The following RBFOX3 variants were observed in gnomAD, a reference collection of about 807,000 sequenced individuals.
RBFOX3 encodes RNA binding protein fox-1 homolog 3.
Under a neutral mutation model 48.7 loss-of-function variants are expected in RBFOX3, and 17 were observed. The observed-to-expected ratio is 0.35, with a 90% confidence interval of 0.24 to 0.52. The LOEUF (loss-of-function observed/expected upper bound fraction) is 0.52, where lower values mean the gene tolerates loss of function less well. RBFOX3 is among the 20% of genes least tolerant of loss of function. RBFOX3 has a pLI of 0.94. For missense variants in RBFOX3, 382 were observed against 497.5 expected, an observed-to-expected ratio of 0.77 and a Z score of 2.21; for synonymous variants, 212 against 209.5, an observed-to-expected ratio of 1.01 and a Z score of -0.10.
At chr17:79,281,574 T>C (rs1287534991) in intron 3 of RBFOX3, among the ~76,000 whole-genome samples, 1 of 152,154 alleles carries the variant, frequency 6.6e-6, no homozygotes, top group African/African-American at 2.4e-5. Flanking sequence ...TGCAGGCTTG[T>C]GGGGTGAGCT....
At chr17:79,554,730 G>A (rs2091481113) in intron 1 of RBFOX3, among the ~76,000 whole-genome samples, 1 of 152,218 alleles carries the variant, frequency 6.6e-6, no homozygotes, top group South Asian at 2.1e-4. Flanking sequence ...TAGTAATTTT[G>A]ATGTAATATA....
chr17:79,190,407 G>C (rs2054231104), intron 4 of RBFOX3, among the ~76,000 whole-genome samples: 1 of 58,536 alleles, frequency 1.7e-5, no homozygotes, highest in African/African-American at 4.8e-5. Flanking sequence ...GTAAATCTCT[G>C]TCTCACCAAA....
At chr17:79,276,767 A>G (rs978062056) in intron 3 of RBFOX3, among the ~76,000 whole-genome samples, 1 of 152,190 alleles carries the variant, frequency 6.6e-6, no homozygotes, top group South Asian at 2.1e-4. Context: ...CAGCTGCTGC[A>G]CCGGCCAGGC....
intron 2 of RBFOX3, among the ~76,000 whole-genome samples, chr17:79,402,535 G>A (rs1022356235): frequency 2.0e-5 from 3 of 152,208 alleles, no homozygotes; most frequent in East Asian, 1.9e-4. Flanking sequence ...TGGAGTGAGC[G>A]CAGGGGGCCC....
Position 79,443,592 on chromosome 17 carries a change from AG to A in RBFOX3, c.-175+38861del, listed in dbSNP as rs1244970507. Among the ~76,000 whole-genome samples the A allele has an allele frequency of 6.6e-6, 1 of 152,148 alleles. No individual in the cohort carries two copies. Among genetic ancestry groups the A allele is most frequent in the Non-Finnish European group, 1.5e-5 (1 of 68,018 alleles). Reference sequence around the variant, plus strand: ...GAGATGGGGTTTCACCATGTTGGCCAGGCTGGCCACAAACTCCTGACCTCAG... The same window carrying A: ...GAGATGGGGTTTCACCATGTTGGCCAGCTGGCCACAAACTCCTGACCTCAG... On this transcript the variant is annotated intron_variant, in intron 2 of 14. Coordinates refer to ENST00000693108, the MANE Select transcript of RBFOX3 (RefSeq NM_001350451.2). The surrounding 1 kb of genome is among the most constrained non-coding windows in gnomAD (Gnocchi z 4.4).
intron 1 of RBFOX3, among the ~76,000 whole-genome samples, chr17:79,552,037 A>C (rs2091206553): frequency 2.0e-5 from 3 of 152,354 alleles, no homozygotes; most frequent in Admixed American, 2.0e-4. Flanking sequence ...TTGTATTTCT[A>C]ATAAGCCCTT....
intron 2 of RBFOX3, among the ~76,000 whole-genome samples, chr17:79,380,866 C>A (rs1309676737): frequency 6.6e-6 from 1 of 152,206 alleles, no homozygotes; most frequent in Non-Finnish European, 1.5e-5. Flanking sequence ...CTCCACGAGG[C>A]ACCTGTGTCG....
Position 79,610,996 on chromosome 17 carries a change from C to A in RBFOX3, c.-490G>T, listed in dbSNP as rs2093957746. 6.6e-6 allele frequency among the ~76,000 whole-genome samples: 1 copy of A among 151,194 alleles called. No individual in the cohort carries two copies. The highest frequency in any genetic ancestry group is 2.1e-4 in the South Asian group (1 of 4,824). On this transcript the variant is annotated 5_prime_UTR_variant, in exon 1 of 15. Transcript: ENST00000693108. ...GGCAGCTGTGGCAGCTGCTTCTCCT[C>A]CGACCACGCGAGCTGCTGGGGCCCG...
At chr17:79,571,280 G>A (rs1167501223) in intron 1 of RBFOX3, among the ~76,000 whole-genome samples, 1 of 152,098 alleles carries the variant, frequency 6.6e-6, no homozygotes, top group East Asian at 1.9e-4. Context: ...AAATGGCAGA[G>A]CCTGCCCTAG....
chr17:79,566,009 G>A (rs1305137512), intron 1 of RBFOX3, among the ~76,000 whole-genome samples: 3 of 152,096 alleles, frequency 2.0e-5, no homozygotes, highest in Non-Finnish European at 2.9e-5. Flanking sequence ...TCTGACTGTC[G>A]AGATATATTT....
At chr17:79,131,701 G>A (rs1341537608) in intron 4 of RBFOX3, among the ~76,000 whole-genome samples, 2 of 152,170 alleles carry the variant, frequency 1.3e-5, no homozygotes, top group Non-Finnish European at 2.9e-5. Flanking sequence ...GACCATTATT[G>A]GAAGAAGGGG....
chr17:79,581,493 G>GT (rs1378371496), intron 1 of RBFOX3, among the ~76,000 whole-genome samples: 2 of 152,212 alleles, frequency 1.3e-5, no homozygotes, highest in Non-Finnish European at 2.9e-5. Flanking sequence ...TGTCAGAGTC[G>GT]TTACGTCACT....
intron 1 of RBFOX3, among the ~76,000 whole-genome samples, chr17:79,558,263 GGCGCAGGA>G (rs2091926612): frequency 1.3e-5 from 2 of 152,210 alleles, no homozygotes; most frequent in African/African-American, 4.8e-5. Context: ...TGAGGGGCCT[GGCGCAGGA>G]GCAGGAAGGA....
intron 4 of RBFOX3, among the ~76,000 whole-genome samples, chr17:79,227,229 G>T (rs1298461145): frequency 1.3e-5 from 2 of 152,252 alleles, no homozygotes; most frequent in East Asian, 3.8e-4. Context: ...TCCAGCAGAG[G>T]AGGGACAAAG....
chr17:79,606,553 T>TCCC (rs1282277507), intron 1 of RBFOX3, among the ~76,000 whole-genome samples: 6 of 152,170 alleles, frequency 3.9e-5, no homozygotes, highest in Non-Finnish European at 7.4e-5. Flanking sequence ...TATTCCAGCC[T>TCCC]CCCTCTAAGG....
At chr17:79,610,745 G>A (rs921884892) in intron 1 of RBFOX3, among the ~76,000 whole-genome samples, 81 bp downstream of exon 1, 1 of 152,056 alleles carries the variant, frequency 6.6e-6, no homozygotes, top group Non-Finnish European at 1.5e-5. Context: ...GCCCCTCCGC[G>A]GCCATGTCCC....
At chr17:79,495,642 T>G (rs1432681709) in intron 1 of RBFOX3, among the ~76,000 whole-genome samples, 14 of 24,164 alleles carry the variant, frequency 5.8e-4, no homozygotes, top group South Asian at 1.4e-3. Flanking sequence ...GGGGCAGGGA[T>G]GGGGGTGCAG....
intron 4 of RBFOX3, among the ~76,000 whole-genome samples, chr17:79,118,318 A>C (rs2034670921): frequency 6.6e-6 from 1 of 152,196 alleles, no homozygotes; most frequent in Non-Finnish European, 1.5e-5. Context: ...ACACGTGTGC[A>C]TGCGTACACA....
chr17:79,648,811 C>T, the RBFOX3 span, among the ~76,000 whole-genome samples: 11 of 152,034 alleles, frequency 7.2e-5, no homozygotes, highest in African/African-American at 2.7e-4. Flanking sequence ...GGGTTGCGGG[C>T]AGAAATGATA....
Sources: gnomAD v4.1 joint callset for allele counts (sites outside exome capture counted in the v4.1 genomes callset) on GRCh38, gnomAD v4.1.1 for gene constraint, Gnocchi (gnomAD v3.1) non-coding constraint, MANE v1.5 for transcripts, NCBI Gene and HGNC (gene_info 2026-07-23, HGNC 2026-07-21) for gene names.